Variants in CTNNA3 observed in about 807,000 individuals in gnomAD.
The protein encoded by CTNNA3 is catenin alpha 3.
CTNNA3 carries 76 observed loss-of-function variants against 95.7 expected under a neutral mutation model. The ratio of observed to expected loss-of-function variants is 0.79; its 90% CI spans 0.66 to 0.96. The LOEUF (loss-of-function observed/expected upper bound fraction) is 0.96, where lower values mean the gene tolerates loss of function less well. Among genes scored for constraint, CTNNA3 ranks in the 40% least tolerant of loss-of-function variants. The pLI is 0.00. For synonymous variants in CTNNA3, 431 were observed against 374.4 expected, an observed-to-expected ratio of 1.15 and a Z score of -1.74; for missense variants, 1,191 against 1,089.8, an observed-to-expected ratio of 1.09 and a Z score of -1.31.
chr10:66,151,226 T>C (rs768880970), intron 13 of CTNNA3, among the ~76,000 whole-genome samples: 4 of 151,996 alleles, frequency 2.6e-5, no homozygotes, highest in Non-Finnish European at 4.4e-5. Context: ...TAAAGTACTA[T>C]GGGGACAACT....
At chr10:67,432,336 T>C (rs891644036) in intron 5 of CTNNA3, among the ~76,000 whole-genome samples, 1 of 152,040 alleles carries the variant, frequency 6.6e-6, no homozygotes, top group Non-Finnish European at 1.5e-5. Flanking sequence ...ATGTTTCTAT[T>C]AGTTTCCTGA....
At chr10:67,682,221 G>A (rs898966380) in intron 1 of CTNNA3, among the ~76,000 whole-genome samples, 12 of 152,012 alleles carry the variant, frequency 7.9e-5, no homozygotes, top group Non-Finnish European at 1.5e-4. Flanking sequence ...CAGCTACTTG[G>A]GAGGCTGAGG....
intron 7 of CTNNA3, among the ~76,000 whole-genome samples, chr10:66,932,228 A>G (rs1046791395): frequency 2.6e-4 from 39 of 152,322 alleles, no homozygotes; most frequent in African/African-American, 8.9e-4. Flanking sequence ...GGGGAAGGAT[A>G]ATGCAGAGTC....
At chr10:67,409,913 T>C (rs562885583) in intron 5 of CTNNA3, among the ~76,000 whole-genome samples, 2 of 151,188 alleles carry the variant, frequency 1.3e-5, no homozygotes, top group Admixed American at 1.3e-4. Context: ...TGGTGAAGAG[T>C]GGAAATTAGT....
At chr10:67,210,420 C>A (rs1262755985) in intron 6 of CTNNA3, among the ~76,000 whole-genome samples, 3 of 151,978 alleles carry the variant, frequency 2.0e-5, no homozygotes, top group African/African-American at 4.8e-5. Flanking sequence ...TTTTAAAATT[C>A]AAACTAAAAA....
chr10:66,889,851 T>G (rs1845196288), intron 7 of CTNNA3, among the ~76,000 whole-genome samples: 1 of 148,650 alleles, frequency 6.7e-6, no homozygotes, highest in African/African-American at 2.5e-5. Flanking sequence ...AGTGCAGTGG[T>G]GCAATATTGG....
chr10:66,687,088 G>C (rs1161192709), intron 9 of CTNNA3, among the ~76,000 whole-genome samples: 1 of 151,974 alleles, frequency 6.6e-6, no homozygotes, highest in African/African-American at 2.4e-5. Flanking sequence ...TTGGTACAAT[G>C]TAATGAATAT....
chr10:66,621,872 T>G, intron 9 of CTNNA3, 88 bp from the exon 10 acceptor site: 1 of 593,570 alleles, frequency 1.7e-6, no homozygotes, highest in Non-Finnish European at 2.9e-6. Flanking sequence ...ATGTACACAT[T>G]CATCAAGAAT....
chr10:65,997,681 G>A (rs183349810), intron 15 of CTNNA3, among the ~76,000 whole-genome samples: 3 of 152,206 alleles, frequency 2.0e-5, no homozygotes, highest in East Asian at 3.9e-4. Context: ...GTTTATTTTT[G>A]TCCCTCTCAG....
intron 7 of CTNNA3, among the ~76,000 whole-genome samples, chr10:67,057,278 T>C (rs1855496139): frequency 6.6e-6 from 1 of 152,146 alleles, no homozygotes; most frequent in East Asian, 1.9e-4. Context: ...TGTGTGTGTG[T>C]GCTGAGAATA....
chr10:66,143,491 C>G (rs2083720662), intron 13 of CTNNA3, among the ~76,000 whole-genome samples: 1 of 152,136 alleles, frequency 6.6e-6, no homozygotes, highest in Non-Finnish European at 1.5e-5. Flanking sequence ...CTATTACACA[C>G]AGCAGTTCTG....
intron 9 of CTNNA3, among the ~76,000 whole-genome samples, chr10:66,694,667 C>A (rs371113183): frequency 1.3e-5 from 2 of 152,046 alleles, no homozygotes; most frequent in East Asian, 1.9e-4. Flanking sequence ...GCAGGATATA[C>A]GAAAACAGGT....
intron 7 of CTNNA3, among the ~76,000 whole-genome samples, chr10:66,903,467 T>C (rs879916195): frequency 1.3e-5 from 2 of 151,960 alleles, no homozygotes; most frequent in Admixed American, 6.6e-5. Context: ...AAAACCGGCA[T>C]AAGAAAAGGA....
intron 11 of CTNNA3, among the ~76,000 whole-genome samples, chr10:66,429,909 C>A (rs879223771): frequency 6.6e-6 from 1 of 151,614 alleles, no homozygotes; most frequent in African/African-American, 2.4e-5. Flanking sequence ...CCAGGGCAAT[C>A]AGGCAGGAGA....
At chr10:66,398,508 A>T (rs533665331) in intron 11 of CTNNA3, among the ~76,000 whole-genome samples, 1 of 152,054 alleles carries the variant, frequency 6.6e-6, no homozygotes, top group East Asian at 1.9e-4. Context: ...CATAGAACAC[A>T]CAACCATATA....
chr10:66,378,841 T>C (rs9414918), intron 12 of CTNNA3, among the ~76,000 whole-genome samples: 98,192 of 152,024 alleles, frequency 0.65, 33,345 homozygotes, highest in East Asian at 0.88. Flanking sequence ...ATCACATACT[T>C]GATACCATAT....
At position 67,722,085 on chromosome 10, in the gene CTNNA3, T is replaced by C. The variant is rs117859348; in HGVS notation, c.-2+41349A>G. 3.7e-4 allele frequency among the ~76,000 whole-genome samples: 56 copies of C among 152,268 alleles called. No individual in the cohort carries two copies. The East Asian group carries it at 9.6e-3, about 26-fold the overall frequency. On this transcript the variant is annotated intron_variant, in intron 1 of 17. Transcript: ENST00000684154. Reference sequence around the variant, plus strand: ...TCCTATTCAGCCATCTTGCCAGCCATGGTAAGTTAAAACTTTTAACAATCT... The same window carrying C: ...TCCTATTCAGCCATCTTGCCAGCCACGGTAAGTTAAAACTTTTAACAATCT...
intron 7 of CTNNA3, among the ~76,000 whole-genome samples, chr10:66,816,772 T>G (rs369759441): frequency 1.3e-5 from 2 of 152,086 alleles, no homozygotes; most frequent in African/African-American, 4.8e-5. Flanking sequence ...AACCATATGT[T>G]AGGCAGTGAA....
At chr10:65,944,126 A>G (rs11812949) in intron 17 of CTNNA3, among the ~76,000 whole-genome samples, 2,367 of 152,364 alleles carry the variant, frequency 0.016, 72 homozygotes, top group African/African-American at 0.054. Context: ...TGGCAAAGGA[A>G]GATTCTTAAG....
Sources: gnomAD v4.1 joint callset for allele counts (sites outside exome capture counted in the v4.1 genomes callset) on GRCh38, gnomAD v4.1.1 for gene constraint, MANE v1.5 for transcripts, NCBI Gene and HGNC (gene_info 2026-07-23, HGNC 2026-07-21) for gene names.